BRCA1: variants seen among roughly 807,000 people sequenced by gnomAD.
The protein encoded by BRCA1 is breast cancer type 1 susceptibility protein.
BRCA1 carries 140 observed loss-of-function variants against 173.7 expected under a neutral mutation model. The observed-to-expected ratio is 0.81, with a 90% CI of 0.70 to 0.93. The LOEUF is 0.93. Ranked by LOEUF, BRCA1 falls within the 40% of genes least tolerant of loss-of-function variation. The probability of loss-of-function intolerance (pLI) is 0.00; values close to 1 mark genes in which losing one functional copy is unlikely to be tolerated. For synonymous variants in BRCA1, 662 were observed against 756.0 expected (o/e 0.88, Z 2.04); for missense variants, 1,983 against 2,172.5 (o/e 0.91, Z 1.73).
intron 13 of BRCA1, among the ~76,000 whole-genome samples, chr17:43,075,817 C>T (rs945073225): frequency 2.6e-5 from 4 of 152,194 alleles, no homozygotes; most frequent in Non-Finnish European, 5.9e-5. Flanking sequence ...AAATACACAT[C>T]TCTGAAAGAT....
intron 1 of BRCA1, among the ~76,000 whole-genome samples, chr17:43,148,970 G>T (rs1597940376): frequency 6.6e-6 from 1 of 151,992 alleles, no homozygotes; most frequent in Non-Finnish European, 1.5e-5. Context: ...TTGATATTTT[G>T]CGGGGGACTG....
In BRCA1 at chr17:43,045,436, C is replaced by A; in HGVS notation, c.*242G>T. Reference sequence around the variant, plus strand: ...GGCGTTTAAATGGTTTTAAAATCTTCTCAGGTGAAAAATTACCATAATTTT... The same window carrying A: ...GGCGTTTAAATGGTTTTAAAATCTTATCAGGTGAAAAATTACCATAATTTT... On this transcript the variant is annotated 3_prime_UTR_variant, in exon 23 of 23. Transcript: ENST00000357654. The A allele has an allele frequency of 1.4e-6, 1 of 696,588 alleles. No homozygotes were observed. The highest frequency in any genetic ancestry group is 2.6e-6 in the Non-Finnish European group (1 of 386,028). 43.2% of individuals were successfully genotyped at this position (696,588 alleles called of 1,614,324 possible).
rs369904906 is a variant in BRCA1 at position 43,117,443 on chromosome 17, C to CA, written c.81-1665dup. Among the ~76,000 whole-genome samples the CA allele has an allele frequency of 1.2e-4, 18 of 150,746 alleles. No individual in the cohort carries two copies. The East Asian group carries it at 1.6e-3, about 13-fold the overall frequency. On this transcript the variant is annotated intron_variant, in intron 2 of 22. Transcript: ENST00000357654. ...TAGGTGACAGAGGAAGACTCTGTCTCAAAAAAAAGAAAATAAGGCCAGACA... is the reference window on the plus strand; with the variant it reads ...TAGGTGACAGAGGAAGACTCTGTCTCAAAAAAAAAGAAAATAAGGCCAGACA...
intron 1 of BRCA1, among the ~76,000 whole-genome samples, chr17:43,145,685 A>G (rs2056117434): frequency 6.6e-6 from 1 of 152,170 alleles, no homozygotes; most frequent in African/African-American, 2.4e-5. Flanking sequence ...AGCTCTAGAA[A>G]CATTTTTGAG....
At chr17:43,127,056 C>G (rs2055901363), upstream of BRCA1, among the ~76,000 whole-genome samples, 1 of 152,238 alleles carries the variant, frequency 6.6e-6, no homozygotes, top group South Asian at 2.1e-4. Context: ...CCGCCCTGCA[C>G]AGGGCAAGGC....
chr17:43,076,215 CA>C, intron 13 of BRCA1, among the ~76,000 whole-genome samples: 1 of 151,934 alleles, frequency 6.6e-6, no homozygotes, highest in East Asian at 1.9e-4. Context: ...CATCAGTTTC[CA>C]AGCTTGTTCA....
chr17:43,081,757 G>A (rs2053010457), intron 12 of BRCA1, among the ~76,000 whole-genome samples: 1 of 152,148 alleles, frequency 6.6e-6, no homozygotes, highest in Non-Finnish European at 1.5e-5. Flanking sequence ...ACTTCTTATA[G>A]GAAGTCAGCT....
chr17:43,067,659 T>A lies in BRCA1; in HGVS notation c.5023A>T (p.Thr1675Ser), dbSNP rs774452090. 1 of 1,613,622 alleles carries A rather than the reference T, an allele frequency of 6.2e-7. No individual in the cohort carries two copies. The highest frequency in any genetic ancestry group is 8.5e-7 in the Non-Finnish European group (1 of 1,179,612). ...VYKFARKHHI[T>S]LTNLITEETT... ...TCTTCAGTAATTAGATTAGTTAAAG[T>A]GATGTGGTGTTTTCTGGCAAACTTG... The change falls in exon 16 of 23, where the codon ACT becomes TCT. Residue 1675 changes from threonine to serine, a missense_variant. Thr to Ser is a moderately conservative substitution (Grantham distance 58, BLOSUM62 1). Coordinates refer to ENST00000357654, the MANE Select transcript of BRCA1 (RefSeq NM_007294.4).
At chr17:43,079,360 G>T in intron 12 of BRCA1, 5 of 1,597,294 alleles carry the variant, frequency 3.1e-6, no homozygotes, top group Non-Finnish European at 4.2e-6. Flanking sequence ...AGGCCTTTTA[G>T]AAAACATGGA....
chr17:43,104,039 C>T (rs986645078), intron 6 of BRCA1, 83 bp downstream of exon 6: 1 of 1,498,318 alleles, frequency 6.7e-7, no homozygotes, highest in Non-Finnish European at 9.0e-7. Flanking sequence ...GCCTGGGCCA[C>T]AGAGCAAGAC....
chr17:43,147,329 A>T (rs1004873447), intron 1 of BRCA1, among the ~76,000 whole-genome samples: 1 of 152,032 alleles, frequency 6.6e-6, no homozygotes, highest in Non-Finnish European at 1.5e-5. Context: ...AGCTGGGACT[A>T]CAGGTGCCCG....
At chr17:43,081,971 G>C (rs761334121) in intron 12 of BRCA1, among the ~76,000 whole-genome samples, 11 of 152,202 alleles carry the variant, frequency 7.2e-5, no homozygotes, top group Non-Finnish European at 1.5e-4. Context: ...AGTTCCTGAA[G>C]TATAGGATGT....
chr17:43,115,664 C>G, intron 3 of BRCA1, 62 bp downstream of exon 3: 1 of 1,512,488 alleles, frequency 6.6e-7, no homozygotes, highest in Middle Eastern at 1.7e-4. Flanking sequence ...TAGGTGTTTC[C>G]TGGGTTATGA....
rs2055989124 is a variant in BRCA1, at chr17:43,133,563, C to T, written c.-19-9448G>A. 2.0e-5 allele frequency among the ~76,000 whole-genome samples: 3 copies of T among 152,010 alleles called. No individual in the cohort carries two copies. The South Asian group carries it at 6.2e-4, about 32-fold the overall frequency. On this transcript the variant is annotated intron_variant, in intron 1 of 7. Coordinates refer to the BRCA1 transcript ENST00000634433. Reference sequence around the variant, plus strand: ...ATGTTTTGAGCCCTTCCTGCGCTGGCCTCCAACTCTGCCTTGCTCAGTCTG... The same window carrying T: ...ATGTTTTGAGCCCTTCCTGCGCTGGTCTCCAACTCTGCCTTGCTCAGTCTG...
At chr17:43,087,070 T>C (rs2053256445) in intron 11 of BRCA1, among the ~76,000 whole-genome samples, 1 of 152,172 alleles carries the variant, frequency 6.6e-6, no homozygotes, top group African/African-American at 2.4e-5. Context: ...TACAGGAAAA[T>C]GGGAACTATC....
chr17:43,053,698 G>A (rs1162993206), intron 19 of BRCA1, among the ~76,000 whole-genome samples: 3 of 151,642 alleles, frequency 2.0e-5, no homozygotes, highest in Non-Finnish European at 4.4e-5. Context: ...GTTTCAGGCC[G>A]GGCGCGGTGG....
chr17:43,168,408 C>T (rs560004022), intron 1 of BRCA1, among the ~76,000 whole-genome samples: 205 of 152,302 alleles, frequency 1.3e-3, no homozygotes, highest in African/African-American at 4.2e-3. Flanking sequence ...GAGGCCGAGG[C>T]GGGCGGATGA....
At chr17:43,064,007 C>G (rs2051943587) in intron 16 of BRCA1, 56 bp from the exon 17 acceptor site, 1 of 1,514,340 alleles carries the variant, frequency 6.6e-7, no homozygotes, top group Admixed American at 1.7e-5. Context: ...TCAGGAAGTG[C>G]TGTCCTAAGA....
At chr17:43,050,937 AAATAG>A in intron 20 of BRCA1, 121 bp downstream of exon 20, 1 of 953,780 alleles carries the variant, frequency 1.0e-6, no homozygotes, top group Non-Finnish European at 1.6e-6. Context: ...AGTGGTAGAG[AAATAG>A]AATAGCCTCT....
Sources: gnomAD v4.1 joint callset for allele counts (sites outside exome capture counted in the v4.1 genomes callset) on GRCh38, gnomAD v4.1.1 for gene constraint, MANE v1.5 for transcripts, NCBI Gene and HGNC (gene_info 2026-07-23, HGNC 2026-07-21) for gene names.